EHBP1: variants seen among roughly 807,000 people sequenced by gnomAD.
The protein encoded by EHBP1 is EH domain-binding protein 1.
Under a neutral mutation model 144.0 loss-of-function variants are expected in EHBP1, and 55 were observed. The ratio of observed to expected loss-of-function variants is 0.38; its 90% CI spans 0.31 to 0.48. The LOEUF (loss-of-function observed/expected upper bound fraction) is 0.48, where lower values mean the gene tolerates loss of function less well. EHBP1 is among the 20% of genes least tolerant of loss of function. The probability of loss-of-function intolerance (pLI) is 0.98; values close to 1 mark genes in which losing one functional copy is unlikely to be tolerated. For synonymous variants in EHBP1, 469 were observed against 472.7 expected (o/e 0.99, Z 0.10); for missense variants, 1,200 against 1,364.2 (o/e 0.88, Z 1.90).
chr2:62,948,708 C>T lies in EHBP1; in HGVS notation c.1862C>T (p.Ser621Phe). 6.2e-7 allele frequency: 1 copy of T among 1,614,058 alleles called. No homozygotes were observed. Among genetic ancestry groups the T allele is most frequent in the Non-Finnish European group, 8.5e-7 (1 of 1,180,000 alleles). ...AAAAGTGACACAGAACCCCAGAAGT[C>T]TCAGCAGAGCTCTGGAAGGACTTCA... The part of the protein sequence containing the change: ...RTKSDTEPQK[S>F]QQSSGRTSGS... Residue 621 changes from serine (S) to phenylalanine (F), a missense_variant, in exon 13 of 23, where the codon TCT becomes TTT. This residue lies in a region of EHBP1 where 543 missense variants were observed against 513.1 expected (regional missense o/e 1.06). Coordinates refer to ENST00000431489, the MANE Select transcript of EHBP1 (RefSeq NM_001142616.3).
intron 8 of EHBP1, among the ~76,000 whole-genome samples, chr2:62,863,160 A>G (rs957712288): frequency 2.6e-5 from 4 of 151,974 alleles, no homozygotes; most frequent in African/African-American, 4.8e-5. Flanking sequence ...GCGCATGCCT[A>G]TAATCCCAGC....
In EHBP1 at chr2:62,826,222, C is replaced by G. The variant is rs2046336846; in HGVS notation, c.448C>G (p.Leu150Val). ...ATCTAAAAAAGTTGTATCTGCCGCT[C>G]TTCAGTTTTCATTATCTTGCATTTT... is the stretch of plus-strand genomic sequence containing the variant. Reference protein sequence around the residue: ...PLSKKVVSAALQFSLSCIFLR... With the variant: ...PLSKKVVSAAVQFSLSCIFLR... Residue 150 changes from leucine (L) to valine (V), a missense_variant, in exon 6 of 23, where the codon CTT (leucine) becomes GTT (valine). This residue lies in a region of EHBP1 where 137 missense variants were observed against 190.1 expected (regional missense o/e 0.72). Transcript: ENST00000431489. 6.2e-7 allele frequency: 1 copy of G among 1,601,822 alleles called. No homozygotes were observed. The highest frequency in any genetic ancestry group is 8.5e-7 in the Non-Finnish European group (1 of 1,176,724).
At chr2:62,944,434 A>G (rs907483185) in intron 12 of EHBP1, among the ~76,000 whole-genome samples, 3 of 152,170 alleles carry the variant, frequency 2.0e-5, no homozygotes, top group African/African-American at 4.8e-5. Flanking sequence ...TTGTGTTACA[A>G]TTACCTACAC....
At chr2:62,930,577 G>T (rs921653220) in intron 10 of EHBP1, among the ~76,000 whole-genome samples, 7 of 151,978 alleles carry the variant, frequency 4.6e-5, no homozygotes, top group Admixed American at 4.6e-4. Context: ...CCAAAAACAA[G>T]CCTCGAAAAG....
In EHBP1 at chr2:62,772,186, A is replaced by AAGGG. The variant is rs969648304; in HGVS notation, c.312+810_312+813dup. On this transcript the variant is annotated intron_variant, in intron 5 of 22. Coordinates refer to ENST00000431489, the MANE Select transcript of EHBP1 (RefSeq NM_001142616.3). ...GAAAGGGAGGAAGGGGGAAAGGAGG[A>AAGGG]AGGGAGGGAGGGAGGGAGGAAGAAA... 7.2e-5 allele frequency: 10 copies of AAGGG among 138,072 alleles called. No homozygotes were observed. The South Asian group carries it at 1.6e-3, about 22-fold the overall frequency. The allele number at this position is 138,072 out of a possible 1,614,324, so 8.6% of individuals were successfully genotyped here.
At chr2:62,950,557 A>G (rs1231474623) in intron 13 of EHBP1, among the ~76,000 whole-genome samples, 3 of 152,226 alleles carry the variant, frequency 2.0e-5, no homozygotes, top group African/African-American at 7.2e-5. Context: ...AAAATATATC[A>G]GTTTTAATAT....
At chr2:62,705,613 C>T (rs1032040863), upstream of EHBP1, 2 of 152,268 alleles carry the variant, frequency 1.3e-5, no homozygotes, top group African/African-American at 4.8e-5. Context: ...ATGAGGTGCC[C>T]CAGCCGCTGT....
intron 19 of EHBP1, among the ~76,000 whole-genome samples, chr2:63,009,639 A>G (rs892211089): frequency 2.6e-5 from 4 of 151,454 alleles, no homozygotes; most frequent in African/African-American, 9.7e-5. Context: ...ATTGGAGTAT[A>G]TGGAGTAAAG....
chr2:62,840,529 A>C (rs2047733277), intron 7 of EHBP1, among the ~76,000 whole-genome samples: 1 of 150,750 alleles, frequency 6.6e-6, no homozygotes, highest in South Asian at 2.1e-4. Flanking sequence ...CAGCAAAAGA[A>C]ACTACCATCA....
chr2:62,719,234 A>G (rs1048761649), intron 2 of EHBP1, among the ~76,000 whole-genome samples: 6 of 152,072 alleles, frequency 3.9e-5, no homozygotes, highest in Admixed American at 2.6e-4. Flanking sequence ...CCAAAGTGCT[A>G]GGATTGCAGG....
At chr2:62,875,325 G>A (rs889688206) in intron 10 of EHBP1, among the ~76,000 whole-genome samples, 4 of 152,198 alleles carry the variant, frequency 2.6e-5, no homozygotes, top group African/African-American at 4.8e-5. Flanking sequence ...TAACAAAGCC[G>A]TGGGTCTGGT....
rs1574619255 is a variant in EHBP1 at position 63,045,654 on chromosome 2, C to T, written c.*154C>T. On this transcript the variant is annotated 3_prime_UTR_variant, in exon 23 of 23. Coordinates refer to ENST00000431489, the MANE Select transcript of EHBP1 (RefSeq NM_001142616.3). This position sits in a 1 kb window ranked among gnomAD's most constrained non-coding sequence, Gnocchi z 5.7. ...CTTTACCACCACCACCCTTTTCCTC[C>T]CTCCTTTCCAAATAATATACAGAAC... The T allele has an allele frequency of 1.6e-6, 1 of 613,986 alleles. No individual in the cohort carries two copies. Among genetic ancestry groups the T allele is most frequent in the Admixed American group, 3.0e-5 (1 of 33,732 alleles). 38.0% of individuals were successfully genotyped at this position (613,986 alleles called of 1,614,324 possible). A position where few individuals can be genotyped will look rare whatever the true frequency, so the allele number is the denominator to read the frequency against.
chr2:62,921,004 C>A (rs1384300661), intron 10 of EHBP1, among the ~76,000 whole-genome samples: 1 of 152,126 alleles, frequency 6.6e-6, no homozygotes. Flanking sequence ...ATGCAAAATT[C>A]TGTTTGGATA....
intron 9 of EHBP1, among the ~76,000 whole-genome samples, chr2:62,873,917 C>G (rs1195421721): frequency 6.6e-6 from 1 of 152,000 alleles, no homozygotes; most frequent in African/African-American, 2.4e-5. Context: ...AAAACATGTT[C>G]CGTAATGAGG....
intron 10 of EHBP1, among the ~76,000 whole-genome samples, chr2:62,910,897 G>T (rs1432798865): frequency 6.6e-6 from 1 of 152,096 alleles, no homozygotes; most frequent in Non-Finnish European, 1.5e-5. Flanking sequence ...TCTTAATCCA[G>T]CTCTTCTTTT....
intron 5 of EHBP1, among the ~76,000 whole-genome samples, chr2:62,799,334 A>G (rs1283038741): frequency 6.6e-6 from 1 of 152,190 alleles, no homozygotes; most frequent in Non-Finnish European, 1.5e-5. Flanking sequence ...ATTGGTCTTT[A>G]TGTTACCTCT....
intron 10 of EHBP1, among the ~76,000 whole-genome samples, chr2:62,893,052 G>T (rs2152920351): frequency 6.6e-6 from 1 of 152,168 alleles, no homozygotes; most frequent in South Asian, 2.1e-4. Flanking sequence ...TTTTTCAAAA[G>T]AAATATTATT....
At chr2:62,943,376 C>CAAAAAAAAAAAAAAAAAAAAA (rs11306610) in intron 11 of EHBP1, among the ~76,000 whole-genome samples, 2 of 87,858 alleles carry the variant, frequency 2.3e-5, no homozygotes, top group African/African-American at 4.7e-5. Context: ...AACTCCGTCT[C>CAAAAAAAAAAAAAAAAAAAAA]AAAAAAAAAA....
At chr2:62,998,530 A>G (rs548348807) in intron 19 of EHBP1, among the ~76,000 whole-genome samples, 2 of 152,274 alleles carry the variant, frequency 1.3e-5, no homozygotes, top group African/African-American at 4.8e-5. Context: ...CTATACAAGA[A>G]GACTTGTGCC....
Sources: allele counts gnomAD v4.1 joint callset (sites outside exome capture counted in the v4.1 genomes callset), GRCh38; gene constraint gnomAD v4.1.1; regional missense constraint gnomAD v4.1.1; non-coding constraint Gnocchi (gnomAD v3.1); transcripts MANE v1.5; gene names NCBI Gene and HGNC (gene_info 2026-07-23, HGNC 2026-07-21).